Variants in GGH observed in about 807,000 individuals in gnomAD.
The protein encoded by GGH is gamma-glutamyl hydrolase, also known as gamma-Glu-X carboxypeptidase.
Under a neutral mutation model 39.2 loss-of-function variants are expected in GGH, and 18 were observed. The observed-to-expected ratio is 0.46, with a 90% CI of 0.32 to 0.68. GGH has a LOEUF of 0.68. Among genes scored for constraint, GGH ranks in the 30% least tolerant of loss-of-function variants. The probability of loss-of-function intolerance (pLI) is 0.04; values close to 1 mark genes in which losing one functional copy is unlikely to be tolerated. For missense variants in GGH, 367 were observed against 384.1 expected (o/e 0.96, Z 0.37); for synonymous variants, 147 against 138.8 (o/e 1.06, Z -0.42).
chr8:63,035,891 T>C, intron 1 of GGH, 121 bp from the exon 2 acceptor site: 1 of 927,894 alleles, frequency 1.1e-6, no homozygotes, highest in Non-Finnish European at 1.6e-6. Context: ...AAATAGGAAG[T>C]CTCTCCTCCA....
intron 2 of GGH, among the ~76,000 whole-genome samples, chr8:63,032,195 A>G (rs7839216): frequency 0.78 from 118,731 of 151,860 alleles, 47,478 homozygotes; most frequent in East Asian, 0.98. Flanking sequence ...CACCACTCCC[A>G]GCTCATTTTT....
At chr8:63,028,441 C>T (rs529534014) in intron 3 of GGH, 1 of 152,272 alleles carries the variant, frequency 6.6e-6, no homozygotes, top group Admixed American at 6.5e-5. Context: ...TGCAGCAAAA[C>T]CTGACTGTCC....
intron 4 of GGH, among the ~76,000 whole-genome samples, chr8:63,026,535 A>ACT (rs1804686936): frequency 6.6e-6 from 1 of 152,234 alleles, no homozygotes; most frequent in Non-Finnish European, 1.5e-5. Flanking sequence ...AAAAGCCTAT[A>ACT]GATTACTGAC....
intron 7 of GGH, among the ~76,000 whole-genome samples, chr8:63,019,234 T>C (rs1804542434): frequency 6.6e-6 from 1 of 152,234 alleles, no homozygotes; most frequent in African/African-American, 2.4e-5. Flanking sequence ...GGAAAATATG[T>C]ATCTTGTTCG....
At chr8:63,022,435 G>A (rs922523455) in intron 7 of GGH, among the ~76,000 whole-genome samples, 3 of 151,894 alleles carry the variant, frequency 2.0e-5, no homozygotes, top group Admixed American at 2.0e-4. Context: ...ACATGTCTGG[G>A]TATGTTGGAT....
intron 8 of GGH, among the ~76,000 whole-genome samples, chr8:63,016,370 G>A (rs897015262): frequency 1.3e-5 from 2 of 151,870 alleles, no homozygotes; most frequent in Non-Finnish European, 2.9e-5. Context: ...ACTCAGCTCT[G>A]CATGATTCTA....
chr8:63,029,155 A>T (rs1804755195), intron 3 of GGH, among the ~76,000 whole-genome samples: 1 of 152,204 alleles, frequency 6.6e-6, no homozygotes, highest in African/African-American at 2.4e-5. Context: ...TTTACAGTAA[A>T]ATACTTCCAC....
At chr8:63,017,090 C>A (rs1010831462) in intron 8 of GGH, among the ~76,000 whole-genome samples, 1 of 152,034 alleles carries the variant, frequency 6.6e-6, no homozygotes, top group African/African-American at 2.4e-5. Flanking sequence ...ACTCAGGATG[C>A]CGAGGCAGGA....
At chr8:63,036,035 A>T (rs1318117587) in intron 1 of GGH, among the ~76,000 whole-genome samples, 1 of 152,104 alleles carries the variant, frequency 6.6e-6, no homozygotes, top group Non-Finnish European at 1.5e-5. Flanking sequence ...GCCTTCACAC[A>T]ACTGTAGACC....
At chr8:63,017,203 A>G in intron 8 of GGH, 1 of 280,040 alleles carries the variant, frequency 3.6e-6, no homozygotes, top group Non-Finnish European at 6.6e-6. Context: ...AACAAATAAC[A>G]AAGAAAAAGA....
intron 2 of GGH, among the ~76,000 whole-genome samples, chr8:63,031,362 G>T (rs1804798903): frequency 6.6e-6 from 1 of 152,218 alleles, no homozygotes; most frequent in Non-Finnish European, 1.5e-5. Context: ...CCATTCTTAA[G>T]TGGAGAAAAT....
At chr8:63,023,109 C>A (rs1285387477) in intron 7 of GGH, among the ~76,000 whole-genome samples, 1 of 152,064 alleles carries the variant, frequency 6.6e-6, no homozygotes, top group Non-Finnish European at 1.5e-5. Flanking sequence ...ATGTCTGGTC[C>A]TCTCAAAAAA....
At chr8:63,033,073 A>G (rs780856505) in intron 2 of GGH, among the ~76,000 whole-genome samples, 4 of 152,140 alleles carry the variant, frequency 2.6e-5, no homozygotes, top group Non-Finnish European at 5.9e-5. Flanking sequence ...ATTTTGTTTT[A>G]TTTTTTTAAA....
intron 1 of GGH, among the ~76,000 whole-genome samples, chr8:63,035,989 ATAAGCCCC>A (rs1198900936): frequency 1.3e-5 from 2 of 152,154 alleles, no homozygotes; most frequent in Non-Finnish European, 2.9e-5. Flanking sequence ...GGGAGGCCAA[ATAAGCCCC>A]CAAAGAAGGC....
chr8:63,035,665 A>G lies in GGH; in HGVS notation c.215T>C (p.Val72Ala). Residue 72 changes from valine to alanine, a missense_variant, in exon 2 of 9, where the codon GTA (valine) becomes GCA (alanine). Coordinates refer to ENST00000260118, the MANE Select transcript of GGH (RefSeq NM_003878.3). ...AAACACTGAATCATACCTTACTGGT[A>G]CAACTCTCGCACCTGCAGACTCCAA... ...KYLESAGARV[V>A]PVRLDLTEKD... 2 of 1,605,420 alleles carry G rather than the reference A, an allele frequency of 1.2e-6. No individual in the cohort carries two copies. The highest frequency in any genetic ancestry group is 1.7e-6 in the Non-Finnish European group (2 of 1,177,610).
chr8:63,024,343 A>G (rs1185633246), intron 5 of GGH, 157 bp from the exon 6 acceptor site: 7 of 532,334 alleles, frequency 1.3e-5, no homozygotes, highest in African/African-American at 3.8e-5. Flanking sequence ...TATTCCAATC[A>G]AGTCACAAAA....
chr8:63,026,158 C>T lies in GGH; in HGVS notation c.499G>A (p.Gly167Ser). 1 of 1,593,760 alleles carries T rather than the reference C, an allele frequency of 6.3e-7. No homozygotes were observed. The highest frequency in any genetic ancestry group is 8.5e-7 in the Non-Finnish European group (1 of 1,173,208). Residue 167 changes from glycine to serine, a missense_variant and splice_region_variant, in exon 5 of 9, where the codon GGT (glycine) becomes AGT (serine). Coordinates refer to ENST00000260118, the MANE Select transcript of GGH (RefSeq NM_003878.3). ...AAAGGGTTGAAAAGAGTACTCTTAC[C>T]TCCAGTGAAGTTCAGCGGCATTGCC... Reference protein sequence around the residue: ...DVAMPLNFTGGQLHSRMFQNF... With the variant: ...DVAMPLNFTGSQLHSRMFQNF...
intron 8 of GGH, among the ~76,000 whole-genome samples, chr8:63,016,906 G>A (rs985244451): frequency 5.9e-5 from 9 of 152,130 alleles, no homozygotes; most frequent in African/African-American, 2.2e-4. Flanking sequence ...ATCACAAACT[G>A]GTGGGTATAT....
chr8:63,036,302 T>C (rs2129686009), intron 1 of GGH, among the ~76,000 whole-genome samples: 1 of 152,298 alleles, frequency 6.6e-6, no homozygotes, highest in East Asian at 1.9e-4. Flanking sequence ...CAGCTCCCCA[T>C]GTAGAAGCAA....
Sources: allele counts gnomAD v4.1 joint callset (sites outside exome capture counted in the v4.1 genomes callset), GRCh38; gene constraint gnomAD v4.1.1; transcripts MANE v1.5; gene names NCBI Gene and HGNC (gene_info 2026-07-23, HGNC 2026-07-21).